MSN: variants seen among roughly 807,000 people sequenced by gnomAD.
MSN encodes the protein moesin, also known as epididymis luminal protein 70.
A neutral mutation model predicts 48.0 loss-of-function variants in MSN; 2 were observed. The ratio of observed to expected loss-of-function variants is 0.04; its 90% CI spans 0.02 to 0.13. The LOEUF is 0.13. Ranked by LOEUF, MSN falls within the 10% of genes least tolerant of loss-of-function variation. The pLI, the probability that MSN is intolerant of heterozygous loss-of-function variation, is 1.00. For missense variants in MSN, 267 were observed against 470.1 expected (o/e 0.57, Z 3.99); for synonymous variants, 146 against 166.9 (o/e 0.87, Z 0.97).
At chrX:65,679,289 G>T (rs1031672565) in intron 1 of MSN, among the ~76,000 whole-genome samples, 2 of 111,999 alleles carry the variant, frequency 1.8e-5, no homozygotes, top group Non-Finnish European at 3.8e-5. Flanking sequence ...GGACATATGA[G>T]ATTTCACTTC....
intron 1 of MSN, among the ~76,000 whole-genome samples, chrX:65,606,776 C>G (rs148771330): frequency 1.3e-4 from 15 of 112,100 alleles, no homozygotes; most frequent in African/African-American, 4.6e-4. Flanking sequence ...GACTGTCCAT[C>G]GTAGAATTCT....
chrX:65,617,335 C>A (rs1171535382), intron 1 of MSN, among the ~76,000 whole-genome samples: 1 of 110,709 alleles, frequency 9.0e-6, no homozygotes, highest in African/African-American at 3.3e-5. Flanking sequence ...CCATCTGGTC[C>A]TGGACTTTTT....
At chrX:65,603,778 T>C (rs1450566920) in intron 1 of MSN, among the ~76,000 whole-genome samples, 1 of 111,651 alleles carries the variant, frequency 9.0e-6, no homozygotes, top group Non-Finnish European at 1.9e-5. Flanking sequence ...ATGTTCAAAT[T>C]CAGTTATGTT....
chrX:65,651,344 GAAAAT>G (rs1569458298), intron 1 of MSN, among the ~76,000 whole-genome samples: 1 of 104,841 alleles, frequency 9.5e-6, no homozygotes, highest in African/African-American at 3.4e-5. Context: ...AAGAAAGAAA[GAAAAT>G]AAAATTAAGA....
At chrX:65,717,713 A>G (rs964146357) in intron 2 of MSN, among the ~76,000 whole-genome samples, 2 of 111,725 alleles carry the variant, frequency 1.8e-5, no homozygotes, top group African/African-American at 6.5e-5. Context: ...ACCTCACCAG[A>G]CAGGCCATTA....
intron 1 of MSN, among the ~76,000 whole-genome samples, chrX:65,601,338 G>A (rs1362635353): frequency 8.9e-6 from 1 of 112,103 alleles, no homozygotes; most frequent in Non-Finnish European, 1.9e-5. Context: ...AAACCTGTGG[G>A]CCCTTGGGTG....
chrX:65,610,069 C>T (rs1031865523), intron 1 of MSN, among the ~76,000 whole-genome samples: 24 of 111,516 alleles, frequency 2.2e-4, no homozygotes, highest in African/African-American at 7.2e-4. Flanking sequence ...ACCATTTTTT[C>T]CTTTTTGGTA....
intron 1 of MSN, among the ~76,000 whole-genome samples, chrX:65,639,414 G>A (rs2070631277): frequency 8.9e-6 from 1 of 112,252 alleles, no homozygotes; most frequent in African/African-American, 3.2e-5. Context: ...CAAAGTGCTG[G>A]GATTACAGGC....
At chrX:65,603,456 G>A (rs1240021309) in intron 1 of MSN, among the ~76,000 whole-genome samples, 1 of 111,710 alleles carries the variant, frequency 9.0e-6, no homozygotes, top group Non-Finnish European at 1.9e-5. Context: ...GGCTCAGATA[G>A]GTTAGGTAAC....
intron 1 of MSN, among the ~76,000 whole-genome samples, chrX:65,704,678 A>C (rs1452374321): frequency 9.4e-6 from 1 of 106,144 alleles, no homozygotes; most frequent in Non-Finnish European, 1.9e-5. Context: ...TTTTTTTTTT[A>C]GATCAATAAT....
intron 2 of MSN, among the ~76,000 whole-genome samples, chrX:65,721,227 A>G (rs1258621336): frequency 8.9e-6 from 1 of 112,339 alleles, no homozygotes; most frequent in African/African-American, 3.2e-5. Context: ...ATGGGGTGAT[A>G]TATAAAGCAT....
At chrX:65,609,889 A>T (rs1467682323) in intron 1 of MSN, among the ~76,000 whole-genome samples, 1 of 111,017 alleles carries the variant, frequency 9.0e-6, no homozygotes, top group Non-Finnish European at 1.9e-5. Flanking sequence ...CCTAAAAAAA[A>T]AAAAGTAGAT....
At chrX:65,681,896 A>T (rs750067230) in intron 1 of MSN, among the ~76,000 whole-genome samples, 2 of 111,540 alleles carry the variant, frequency 1.8e-5, no homozygotes, top group Admixed American at 1.9e-4. Flanking sequence ...AACCCCACAT[A>T]GGTGCCCCTA....
chrX:65,666,845 G>A (rs994246197), upstream of MSN, among the ~76,000 whole-genome samples: 1 of 111,298 alleles, frequency 9.0e-6, no homozygotes, highest in Non-Finnish European at 1.9e-5. Context: ...AAGGAGAAAG[G>A]GAGCTGGCAG....
chrX:65,737,352 G>A lies in MSN; in HGVS notation c.1251+14G>A, dbSNP rs771338403. The A allele has an allele frequency of 1.3e-5, 15 of 1,198,914 alleles. No individual in the cohort carries two copies. In the African/African-American group the frequency reaches 1.9e-4, roughly 15 times the overall value. On this transcript the variant is annotated intron_variant, in intron 10 of 12. Coordinates refer to ENST00000360270, the MANE Select transcript of MSN (RefSeq NM_002444.3). ...CAGGAACAGCTGGTAAAGCTGTAGGGTGGGCTGGGATTATGGGAACTGAAC... is the reference window on the plus strand; with the variant it reads ...CAGGAACAGCTGGTAAAGCTGTAGGATGGGCTGGGATTATGGGAACTGAAC...
At chrX:65,739,601 A>G (rs1387655058) in intron 12 of MSN, 128 bp from the exon 13 acceptor site, 1 of 755,862 alleles carries the variant, frequency 1.3e-6, no homozygotes, top group Non-Finnish European at 1.8e-6. Flanking sequence ...ATGACTCTCA[A>G]TATTTATATA....
chrX:65,616,109 C>A (rs1169766048), intron 1 of MSN, among the ~76,000 whole-genome samples: 2 of 111,394 alleles, frequency 1.8e-5, no homozygotes, highest in Non-Finnish European at 3.8e-5. Flanking sequence ...GTTACTGTAG[C>A]CTTGTAGTAT....
At chrX:65,726,370 C>A (rs2071568050) in intron 2 of MSN, among the ~76,000 whole-genome samples, 1 of 111,752 alleles carries the variant, frequency 8.9e-6, no homozygotes, top group African/African-American at 3.3e-5. Context: ...ATTTTAGATG[C>A]ATTACCTCTC....
Position 65,735,348 on chromosome X carries a change from C to G in MSN, c.877C>G (p.Arg293Gly), listed in dbSNP as rs1379781650. The change falls in exon 8 of 13, where the codon CGC becomes GGC. Residue 293 changes from arginine to glycine, a missense_variant. Around this residue, in one of 5 missense-constraint regions of MSN, gnomAD observed 58 missense variants for 104.6 expected, o/e 0.55. Coordinates refer to ENST00000360270, the MANE Select transcript of MSN (RefSeq NM_002444.3). Reference protein sequence around the residue: ...LCMGNHELYMRRRKPDTIEVQ... With the variant: ...LCMGNHELYMGRRKPDTIEVQ... ...CATGGGGAACCATGAACTATACATG[C>G]GCCGTCGCAAGCCTGATACCATTGA... is the stretch of plus-strand genomic sequence containing the variant. 1 of 1,209,041 alleles carries G rather than the reference C, an allele frequency of 8.3e-7. No homozygotes were observed. The highest frequency in any genetic ancestry group is 1.1e-6 in the Non-Finnish European group (1 of 894,191).
Sources: allele counts gnomAD v4.1 joint callset (sites outside exome capture counted in the v4.1 genomes callset), GRCh38; gene constraint gnomAD v4.1.1; regional missense constraint gnomAD v4.1.1; transcripts MANE v1.5; gene names NCBI Gene and HGNC (gene_info 2026-07-23, HGNC 2026-07-21).